The following BFAR variants were observed in gnomAD, a reference collection of about 807,000 sequenced individuals.
The protein encoded by BFAR is bifunctional apoptosis regulator, also known as RING finger protein 47.
In BFAR, 52 loss-of-function variants were observed where a neutral mutation model predicts 54.4. That is an observed-to-expected ratio of 0.96 (90% CI 0.77 to 1.21). The LOEUF is 1.21. Ranked by LOEUF, BFAR falls within the 50% of genes most tolerant of loss-of-function variation. The pLI, the probability that BFAR is intolerant of heterozygous loss-of-function variation, is 0.00. For missense variants in BFAR, 571 were observed against 534.0 expected, an observed-to-expected ratio of 1.07 and a Z score of -0.68; for synonymous variants, 215 against 204.3, an observed-to-expected ratio of 1.05 and a Z score of -0.45.
At chr16:14,661,542 C>T (rs1960287919) in intron 5 of BFAR, among the ~76,000 whole-genome samples, 1 of 151,864 alleles carries the variant, frequency 6.6e-6, no homozygotes, top group Non-Finnish European at 1.5e-5. Flanking sequence ...GCTGGGACTA[C>T]AGGGCATGAG....
chr16:14,651,775 C>T (rs897986607), intron 4 of BFAR, among the ~76,000 whole-genome samples: 1 of 151,996 alleles, frequency 6.6e-6, no homozygotes, highest in Non-Finnish European at 1.5e-5. Context: ...CCCCCGCACC[C>T]TCCTCATGGA....
chr16:14,647,247 G>A (rs1959826627), intron 2 of BFAR, among the ~76,000 whole-genome samples: 1 of 151,754 alleles, frequency 6.6e-6, no homozygotes, highest in Non-Finnish European at 1.5e-5. Flanking sequence ...ACCACACCCG[G>A]TTGATTTTTG....
chr16:14,650,166 AC>A, intron 4 of BFAR, 193 bp downstream of exon 4: 3 of 478,802 alleles, frequency 6.3e-6, no homozygotes, highest in Non-Finnish European at 6.8e-6. Context: ...TACTAAAAAT[AC>A]AAAAAAAAAA....
intron 3 of BFAR, 111 bp from the exon 4 acceptor site, chr16:14,649,693 G>T: frequency 3.1e-6 from 3 of 969,058 alleles, no homozygotes; most frequent in African/African-American, 3.3e-5. Context: ...TACGGGCTCC[G>T]CATCATTCCC....
intron 5 of BFAR, among the ~76,000 whole-genome samples, chr16:14,659,861 A>T (rs990346793): frequency 6.6e-6 from 1 of 152,200 alleles, no homozygotes; most frequent in Non-Finnish European, 1.5e-5. Flanking sequence ...TCTATAGTAT[A>T]CATTTCTAAA....
chr16:14,659,244 G>GTTTTT (rs1404121780), intron 5 of BFAR, among the ~76,000 whole-genome samples: 24 of 141,272 alleles, frequency 1.7e-4, no homozygotes, highest in Non-Finnish European at 2.1e-4. Context: ...GTTTTTTTTT[G>GTTTTT]TTTTTTGTTT....
chr16:14,635,812 A>G (rs1959415595), intron 1 of BFAR, among the ~76,000 whole-genome samples: 2 of 151,100 alleles, frequency 1.3e-5, no homozygotes, highest in African/African-American at 4.9e-5. Flanking sequence ...TAATATTTTT[A>G]GTAGATACGG....
chr16:14,655,247 T>C, intron 5 of BFAR, 37 bp downstream of exon 5: 5 of 1,260,286 alleles, frequency 4.0e-6, no homozygotes, highest in Non-Finnish European at 5.1e-6. Flanking sequence ...TTTTTACTTT[T>C]TATTTTTATT....
At chr16:14,655,041 T>C in intron 4 of BFAR, 25 bp from the exon 5 acceptor site, 2 of 1,580,756 alleles carry the variant, frequency 1.3e-6, no homozygotes, top group Non-Finnish European at 1.7e-6. Context: ...AATCGCAAAA[T>C]AAATCTCCTC....
intron 4 of BFAR, 103 bp from the exon 5 acceptor site, chr16:14,654,963 C>G: frequency 8.1e-7 from 1 of 1,237,724 alleles, no homozygotes; most frequent in Non-Finnish European, 1.1e-6. Context: ...TCTCACCATA[C>G]CTCAAGCCTA....
chr16:14,646,020 T>C (rs898151239), intron 2 of BFAR, among the ~76,000 whole-genome samples: 6 of 151,960 alleles, frequency 3.9e-5, no homozygotes, highest in African/African-American at 1.5e-4. Flanking sequence ...AGGAGCCTGC[T>C]ACCACGCCCA....
At position 14,664,910 on chromosome 16, in the gene BFAR, G is replaced by T; in HGVS notation, c.999G>T (p.Leu333=). The T allele has an allele frequency of 6.2e-7, 1 of 1,614,006 alleles. No individual in the cohort carries two copies. The highest frequency in any genetic ancestry group is 8.5e-7 in the Non-Finnish European group (1 of 1,179,922). ...CGTGGAAGCAGTGGAGAGAGTTCCT[G>T]GTCAAATACTCCTTCCTTCCATACC... is the stretch of plus-strand genomic sequence containing the variant. ...EPTWKQWREF[L]VKYSFLPYQL... The change falls in exon 7 of 8, where the codon CTG becomes CTT. Residue 333 remains leucine, a synonymous_variant. Coordinates refer to ENST00000261658, the MANE Select transcript of BFAR (RefSeq NM_016561.3).
At position 14,648,568 on chromosome 16, in the gene BFAR, G is replaced by A. The variant is rs140181133; in HGVS notation, c.444G>A (p.Val148=). ...TGGGAGGGGGATTCTTTTCCGGTGT[G>A]CTCACAGCTTTAACTGGAGTGGCAG... The part of the protein sequence containing the change: ...QQMGGGFFSG[V]LTALTGVAVV... Residue 148 remains valine, a synonymous_variant, in exon 3 of 8, where the codon GTG becomes GTA. Transcript: ENST00000261658. 1.9e-6 allele frequency: 3 copies of A among 1,613,876 alleles called. No homozygotes were observed. Among genetic ancestry groups the A allele is most frequent in the African/African-American group, 2.7e-5 (2 of 75,002 alleles).
chr16:14,667,975 C>A lies in BFAR; in HGVS notation c.*148C>A. 1.2e-6 allele frequency: 1 copy of A among 801,598 alleles called. No individual in the cohort carries two copies. Among genetic ancestry groups the A allele is most frequent in the Non-Finnish European group, 2.0e-6 (1 of 511,212 alleles). 49.7% of individuals were successfully genotyped at this position (801,598 alleles called of 1,614,324 possible). On this transcript the variant is annotated 3_prime_UTR_variant, in exon 8 of 8. Transcript: ENST00000261658. ...GTATATCAAAAGCTCCAACCATGTC[C>A]TCTCCCCCTCAGCCTGTGGGTGGCA...
At chr16:14,664,553 G>A (rs1960385824) in intron 6 of BFAR, among the ~76,000 whole-genome samples, 1 of 152,052 alleles carries the variant, frequency 6.6e-6, no homozygotes, top group Non-Finnish European at 1.5e-5. Context: ...AGGGTGAAGT[G>A]CAGTGGTGCG....
chr16:14,661,617 G>A (rs1281563953), intron 5 of BFAR, among the ~76,000 whole-genome samples: 1 of 151,824 alleles, frequency 6.6e-6, no homozygotes, highest in East Asian at 1.9e-4. Context: ...TGGCCAGGCT[G>A]GTCTCAAACT....
At chr16:14,654,246 C>A (rs987321341) in intron 4 of BFAR, among the ~76,000 whole-genome samples, 2 of 151,676 alleles carry the variant, frequency 1.3e-5, no homozygotes, top group Non-Finnish European at 2.9e-5. Flanking sequence ...CTCCTGACCT[C>A]GTGATCTGCC....
At chr16:14,648,697 G>A (rs1959877730) in intron 3 of BFAR, 105 bp downstream of exon 3, 1 of 810,580 alleles carries the variant, frequency 1.2e-6, no homozygotes. Context: ...AATTGATGAT[G>A]TGACTCCATG....
At chr16:14,636,124 G>A (rs1959427236) in intron 1 of BFAR, among the ~76,000 whole-genome samples, 1 of 152,218 alleles carries the variant, frequency 6.6e-6, no homozygotes, top group African/African-American at 2.4e-5. Flanking sequence ...GACCTGGAGT[G>A]TCAGAAATAG....
Sources: allele counts gnomAD v4.1 joint callset (sites outside exome capture counted in the v4.1 genomes callset), GRCh38; gene constraint gnomAD v4.1.1; transcripts MANE v1.5; gene names NCBI Gene and HGNC (gene_info 2026-07-23, HGNC 2026-07-21).